TDP1: variants seen among roughly 807,000 people sequenced by gnomAD.
TDP1 encodes tyrosyl-DNA phosphodiesterase 1.
TDP1 carries 64 observed loss-of-function variants against 81.5 expected under a neutral mutation model. The observed-to-expected ratio is 0.79, with a 90% CI of 0.64 to 0.97. TDP1 has a LOEUF of 0.97. Ranked by LOEUF, TDP1 falls within the 50% of genes least tolerant of loss-of-function variation. The pLI is 0.00. For synonymous variants in TDP1, 256 were observed against 264.3 expected (o/e 0.97, Z 0.30); for missense variants, 723 against 743.8 (o/e 0.97, Z 0.33).
rs138145493 is a variant in TDP1, at chr14:90,013,075, A to G, written c.1542-6241A>G. Among the ~76,000 whole-genome samples, 397 of 152,330 alleles carry G rather than the reference A, an allele frequency of 2.6e-3. 3 individuals are homozygous for G. The highest frequency in any genetic ancestry group is 4.1e-3 in the Admixed American group (63 of 15,304). On this transcript the variant is annotated intron_variant, in intron 14 of 16. Coordinates refer to ENST00000335725, the MANE Select transcript of TDP1 (RefSeq NM_018319.4). ...TACCCAATGCCTGTACCCACATTGT[A>G]TTTAGGAAGTAACTGACTTGCTGTT...
At chr14:90,000,957 G>A (rs1897136587) in intron 14 of TDP1, among the ~76,000 whole-genome samples, 1 of 152,186 alleles carries the variant, frequency 6.6e-6, no homozygotes, top group African/African-American at 2.4e-5. Context: ...ATGTAGAGTT[G>A]TTAAAAATAA....
At chr14:90,032,002 C>G (rs1887334429) in intron 15 of TDP1, among the ~76,000 whole-genome samples, 1 of 152,158 alleles carries the variant, frequency 6.6e-6, no homozygotes, top group Non-Finnish European at 1.5e-5. Flanking sequence ...GTCCCTCCAC[C>G]AGACTGTATA....
chr14:89,990,262 A>AT (rs1048839955), intron 12 of TDP1, among the ~76,000 whole-genome samples: 12 of 152,092 alleles, frequency 7.9e-5, no homozygotes, highest in African/African-American at 2.7e-4. Context: ...AATGCCTAAG[A>AT]TTTTTTGTAG....
intron 13 of TDP1, 34 bp downstream of exon 13, chr14:89,992,017 C>T: frequency 6.4e-7 from 1 of 1,563,556 alleles, no homozygotes; most frequent in Non-Finnish European, 8.8e-7. Context: ...GCTATTGCTT[C>T]TTTAGGAATT....
chr14:89,960,035 T>C (rs150392775), intron 2 of TDP1, among the ~76,000 whole-genome samples: 51 of 152,322 alleles, frequency 3.3e-4, no homozygotes, highest in Non-Finnish European at 6.9e-4. Flanking sequence ...CTGAGGACTG[T>C]AATGGAAGAT....
chr14:90,006,684 C>G (rs1369398048), intron 14 of TDP1, among the ~76,000 whole-genome samples: 2 of 152,064 alleles, frequency 1.3e-5, no homozygotes, highest in African/African-American at 4.8e-5. Context: ...TTACAGGTGC[C>G]CGCGACCAAG....
intron 1 of TDP1, chr14:89,956,335 CT>C (rs1891621611): frequency 6.6e-6 from 1 of 152,296 alleles, no homozygotes; most frequent in Non-Finnish European, 1.5e-5. Flanking sequence ...GGCGCTTAAG[CT>C]TTCTGTGCTC....
intron 7 of TDP1, 84 bp from the exon 8 acceptor site, chr14:89,980,456 G>T (rs894384611): frequency 2.1e-6 from 3 of 1,458,890 alleles, no homozygotes; most frequent in African/African-American, 1.4e-5. Flanking sequence ...AATTCCTTTA[G>T]CTATGTATTA....
Position 90,033,225 on chromosome 14 carries a change from G to T in TDP1, c.1753+11G>T. 1 of 1,523,808 alleles carries T rather than the reference G, an allele frequency of 6.6e-7. No homozygotes were observed. The highest frequency in any genetic ancestry group is 9.1e-7 in the Non-Finnish European group (1 of 1,098,148). 94.4% of individuals were successfully genotyped at this position (1,523,808 alleles called of 1,614,324 possible). On this transcript the variant is annotated intron_variant, in intron 16 of 16. Coordinates refer to ENST00000335725, the MANE Select transcript of TDP1 (RefSeq NM_018319.4). ...TGTATGGAAGTAAAGGTGAGACACAGATAAAGGAAAACCACGGGTGGATAT... is the reference window on the plus strand; with the variant it reads ...TGTATGGAAGTAAAGGTGAGACACATATAAAGGAAAACCACGGGTGGATAT...
At chr14:90,023,394 C>A (rs1187932735) in intron 15 of TDP1, among the ~76,000 whole-genome samples, 1 of 152,142 alleles carries the variant, frequency 6.6e-6, no homozygotes, top group Non-Finnish European at 1.5e-5. Flanking sequence ...GAATTCCAAT[C>A]TGAAGGAGAC....
At position 90,019,323 on chromosome 14, in the gene TDP1, C is replaced by G; in HGVS notation, c.1549C>G (p.Leu517Val). The G allele has an allele frequency of 4.4e-6, 7 of 1,607,092 alleles. No homozygotes were observed. The highest frequency in any genetic ancestry group is 6.0e-6 in the Non-Finnish European group (7 of 1,173,926). ...GTGTCCTTGTCTCTGCAGCGCAAAT[C>G]TGTCCAAGGCTGCCTGGGGAGCATT... ...IAWFLVTSANLSKAAWGALEK... is the reference protein window; with the variant it reads ...IAWFLVTSANVSKAAWGALEK... Residue 517 changes from leucine to valine, a missense_variant, in exon 15 of 17, where the codon CTG (leucine) becomes GTG (valine). Transcript: ENST00000335725.
At chr14:90,002,384 G>A (rs1369684014) in intron 14 of TDP1, among the ~76,000 whole-genome samples, 3 of 152,108 alleles carry the variant, frequency 2.0e-5, no homozygotes, top group Non-Finnish European at 2.9e-5. Flanking sequence ...TCTCATTTAT[G>A]GAATCCCAAG....
At chr14:90,038,778 C>T in intron 16 of TDP1, among the ~76,000 whole-genome samples, 1 of 151,884 alleles carries the variant, frequency 6.6e-6, no homozygotes, top group Non-Finnish European at 1.5e-5. Context: ...GTGGAGGTTG[C>T]AGTGAGCTGA....
chr14:90,038,576 ACCT>A (rs1555398562), intron 16 of TDP1, among the ~76,000 whole-genome samples: 1 of 152,176 alleles, frequency 6.6e-6, no homozygotes, highest in Non-Finnish European at 1.5e-5. Flanking sequence ...GGTGGCTCAC[ACCT>A]GTAATCCCAG....
intron 14 of TDP1, among the ~76,000 whole-genome samples, chr14:90,003,365 G>A (rs1228974164): frequency 6.6e-6 from 1 of 152,182 alleles, no homozygotes; most frequent in African/African-American, 2.4e-5. Context: ...TGTTATATTA[G>A]CTGGCGATTT....
chr14:90,003,786 G>A (rs1466506635), intron 14 of TDP1, among the ~76,000 whole-genome samples: 1 of 152,202 alleles, frequency 6.6e-6, no homozygotes, highest in East Asian at 1.9e-4. Context: ...AACGAGACAA[G>A]TGCTTGACTG....
intron 6 of TDP1, chr14:89,975,379 A>G (rs1894163705): frequency 3.5e-5 from 34 of 984,924 alleles, no homozygotes; most frequent in East Asian, 1.1e-4. Context: ...CCTGGCCTTC[A>G]GTGTTTCTTT....
At chr14:90,008,576 G>A (rs1285631352) in intron 14 of TDP1, among the ~76,000 whole-genome samples, 3 of 152,104 alleles carry the variant, frequency 2.0e-5, no homozygotes, top group African/African-American at 7.2e-5. Context: ...TAATAGTTAA[G>A]AATGAAAATA....
chr14:89,979,383 C>T (rs1333584700), intron 7 of TDP1, among the ~76,000 whole-genome samples: 2 of 151,420 alleles, frequency 1.3e-5, no homozygotes, highest in African/African-American at 4.9e-5. Flanking sequence ...AGTCTCGGCT[C>T]ACTGCAACCT....
Sources: allele counts gnomAD v4.1 joint callset (sites outside exome capture counted in the v4.1 genomes callset), GRCh38; gene constraint gnomAD v4.1.1; transcripts MANE v1.5; gene names NCBI Gene and HGNC (gene_info 2026-07-23, HGNC 2026-07-21).